The following RAP1GDS1 variants were observed in gnomAD, a reference collection of about 807,000 sequenced individuals.
RAP1GDS1 encodes the protein Rap1 GTPase-GDP dissociation stimulator 1.
A neutral mutation model predicts 71.1 loss-of-function variants in RAP1GDS1; 35 were observed. The observed-to-expected ratio is 0.49, with a 90% CI of 0.38 to 0.65. RAP1GDS1 has a LOEUF of 0.65. Among genes scored for constraint, RAP1GDS1 ranks in the 30% least tolerant of loss-of-function variants. The pLI, the probability that RAP1GDS1 is intolerant of heterozygous loss-of-function variation, is 0.00. For missense variants in RAP1GDS1, 663 were observed against 706.1 expected (o/e 0.94, Z 0.69); for synonymous variants, 229 against 243.1 (o/e 0.94, Z 0.54).
intron 6 of RAP1GDS1, among the ~76,000 whole-genome samples, chr4:98,392,530 A>ATCTT (rs1375019687): frequency 6.6e-6 from 1 of 152,090 alleles, no homozygotes; most frequent in Non-Finnish European, 1.5e-5. Context: ...GTCTGGGCCC[A>ATCTT]TCTTTACAAA....
At chr4:98,296,693 T>A (rs1306862200) in intron 2 of RAP1GDS1, among the ~76,000 whole-genome samples, 2 of 152,148 alleles carry the variant, frequency 1.3e-5, no homozygotes, top group Non-Finnish European at 2.9e-5. Flanking sequence ...AGTAAATGCT[T>A]ATTTGATTGT....
intron 5 of RAP1GDS1, among the ~76,000 whole-genome samples, chr4:98,382,780 C>T (rs983457916): frequency 6.6e-6 from 1 of 151,524 alleles, no homozygotes; most frequent in East Asian, 1.9e-4. Flanking sequence ...AAATTCAATA[C>T]TTGGAAGAGA....
intron 4 of RAP1GDS1, among the ~76,000 whole-genome samples, chr4:98,356,899 C>T (rs1159217442): frequency 6.6e-6 from 1 of 151,714 alleles, no homozygotes; most frequent in Non-Finnish European, 1.5e-5. Flanking sequence ...ATGCATGTAT[C>T]CGTTTGTATA....
At position 98,402,189 on chromosome 4, in the gene RAP1GDS1, A is replaced by C. The variant is rs368773087; in HGVS notation, c.638-2288A>C. Among the ~76,000 whole-genome samples, 5 of 152,244 alleles carry C rather than the reference A, an allele frequency of 3.3e-5. No individual in the cohort carries two copies. The East Asian group carries it at 5.8e-4, about 18-fold the overall frequency. On this transcript the variant is annotated intron_variant, in intron 6 of 14. Coordinates refer to ENST00000408927, the MANE Select transcript of RAP1GDS1 (RefSeq NM_001100427.2). ...CAGGTTTAAGTGATTGTTGTGCCTC[A>C]GCCTCCTGAGTAGCTGGGACTATAG... is the stretch of plus-strand genomic sequence containing the variant.
chr4:98,424,028 G>A (rs1013418131), intron 12 of RAP1GDS1, among the ~76,000 whole-genome samples: 14 of 152,250 alleles, frequency 9.2e-5, no homozygotes, highest in South Asian at 2.1e-4. Context: ...TAGAAGCAGC[G>A]AGGATGGAAA....
intron 9 of RAP1GDS1, among the ~76,000 whole-genome samples, chr4:98,418,232 G>C (rs1404878289): frequency 6.6e-6 from 1 of 151,976 alleles, no homozygotes; most frequent in Non-Finnish European, 1.5e-5. Context: ...GGTAAATAGT[G>C]GTTCATTATA....
intron 6 of RAP1GDS1, among the ~76,000 whole-genome samples, chr4:98,401,059 C>G (rs747090931): frequency 1.3e-5 from 2 of 152,092 alleles, no homozygotes; most frequent in Non-Finnish European, 2.9e-5. Context: ...GAGCTGAAAA[C>G]GAAATCCAAC....
chr4:98,328,019 A>G (rs983242506), intron 2 of RAP1GDS1, among the ~76,000 whole-genome samples: 1 of 152,246 alleles, frequency 6.6e-6, no homozygotes, highest in Non-Finnish European at 1.5e-5. Context: ...AGTTTGCATA[A>G]TGGTTTTGAG....
intron 12 of RAP1GDS1, among the ~76,000 whole-genome samples, chr4:98,421,702 A>G (rs980239525): frequency 6.6e-5 from 10 of 152,144 alleles, no homozygotes; most frequent in Admixed American, 2.0e-4. Context: ...ATTAAATGGT[A>G]CCTAGATAGT....
chr4:98,330,789 G>A (rs1733874924), intron 2 of RAP1GDS1, among the ~76,000 whole-genome samples: 1 of 150,240 alleles, frequency 6.7e-6, no homozygotes, highest in African/African-American at 2.5e-5. Flanking sequence ...TGGTGGCTGG[G>A]AAGAAGCGCT....
chr4:98,362,669 C>G (rs1421006369), intron 4 of RAP1GDS1, among the ~76,000 whole-genome samples: 1 of 152,164 alleles, frequency 6.6e-6, no homozygotes, highest in Non-Finnish European at 1.5e-5. Context: ...GATTTACATC[C>G]CTGACTTCTA....
chr4:98,366,496 G>A (rs375871530), intron 4 of RAP1GDS1, among the ~76,000 whole-genome samples: 65 of 152,178 alleles, frequency 4.3e-4, no homozygotes, highest in African/African-American at 1.0e-3. Flanking sequence ...AAAGATACCC[G>A]AAAATGTGGA....
intron 12 of RAP1GDS1, among the ~76,000 whole-genome samples, chr4:98,421,634 T>G (rs947084121): frequency 2.0e-5 from 3 of 152,344 alleles, no homozygotes; most frequent in African/African-American, 7.2e-5. Context: ...GTTATCAGCA[T>G]CAGTGTCAAA....
intron 7 of RAP1GDS1, among the ~76,000 whole-genome samples, chr4:98,410,965 T>TG (rs1457569001): frequency 2.0e-5 from 3 of 152,210 alleles, no homozygotes; most frequent in African/African-American, 4.8e-5. Flanking sequence ...AATTTCTTGA[T>TG]CTAGGTGATA....
At chr4:98,306,284 A>G (rs1391937709) in intron 2 of RAP1GDS1, among the ~76,000 whole-genome samples, 1 of 152,214 alleles carries the variant, frequency 6.6e-6, no homozygotes, top group African/African-American at 2.4e-5. Context: ...TCCAAGATCA[A>G]GGTGCTGGTA....
intron 8 of RAP1GDS1, 106 bp from the exon 9 acceptor site, chr4:98,417,261 C>G: frequency 1.8e-6 from 2 of 1,089,518 alleles, no homozygotes; most frequent in South Asian, 3.2e-5. Context: ...ATGAATGTAA[C>G]AGTTTGTGAG....
chr4:98,269,173 C>CAAAA (rs56015226), intron 1 of RAP1GDS1, among the ~76,000 whole-genome samples: 20 of 56,862 alleles, frequency 3.5e-4, no homozygotes, highest in South Asian at 7.6e-4. Flanking sequence ...AATTGATCTT[C>CAAAA]AAAAAAAAAA....
chr4:98,287,474 A>G (rs1407462837), intron 1 of RAP1GDS1, among the ~76,000 whole-genome samples: 1 of 152,172 alleles, frequency 6.6e-6, no homozygotes, highest in Non-Finnish European at 1.5e-5. Context: ...TCTAGTGGAT[A>G]GATGTGTGTG....
At chr4:98,384,623 T>A (rs144781708) in intron 5 of RAP1GDS1, among the ~76,000 whole-genome samples, 78 of 151,812 alleles carry the variant, frequency 5.1e-4, no homozygotes, top group African/African-American at 1.7e-3. Context: ...TGTTACTTAA[T>A]GAACAGGCTG....
Sources: gnomAD v4.1 joint callset for allele counts (sites outside exome capture counted in the v4.1 genomes callset) on GRCh38, gnomAD v4.1.1 for gene constraint, MANE v1.5 for transcripts, NCBI Gene and HGNC (gene_info 2026-07-23, HGNC 2026-07-21) for gene names.